The following MEGF9 variants were observed in gnomAD, a reference collection of about 807,000 sequenced individuals.
MEGF9 encodes multiple EGF like domains 9.
MEGF9 carries 6 observed loss-of-function variants against 46.8 expected under a neutral mutation model. That is an observed-to-expected ratio of 0.13 (90% CI 0.07 to 0.25). The LOEUF (loss-of-function observed/expected upper bound fraction) is 0.25, where lower values mean the gene tolerates loss of function less well. Ranked by LOEUF, MEGF9 falls within the 10% of genes least tolerant of loss-of-function variation. The pLI is 1.00. For missense variants in MEGF9, 683 were observed against 792.4 expected, an observed-to-expected ratio of 0.86 and a Z score of 1.66; for synonymous variants, 302 against 330.7, an observed-to-expected ratio of 0.91 and a Z score of 0.94.
At chr9:120,671,049 C>T (rs1304954628) in intron 1 of MEGF9, among the ~76,000 whole-genome samples, 3 of 152,224 alleles carry the variant, frequency 2.0e-5, no homozygotes, top group Admixed American at 2.0e-4. Flanking sequence ...AAGTTACTAA[C>T]CCAAAACAAA....
chr9:120,652,496 A>C (rs372287465), intron 2 of MEGF9, among the ~76,000 whole-genome samples: 1 of 150,304 alleles, frequency 6.7e-6, no homozygotes, highest in African/African-American at 2.4e-5. Flanking sequence ...AAAAAAAAAA[A>C]AAAAAAACAG....
At chr9:120,701,782 C>A (rs748081835) in intron 1 of MEGF9, among the ~76,000 whole-genome samples, 2 of 152,156 alleles carry the variant, frequency 1.3e-5, no homozygotes, top group African/African-American at 2.4e-5. Context: ...CAGTGGCTCA[C>A]GCCTGTAATC....
chr9:120,633,277 G>C (rs1178255301), intron 2 of MEGF9, among the ~76,000 whole-genome samples: 9 of 152,062 alleles, frequency 5.9e-5, no homozygotes, highest in Admixed American at 5.9e-4. Flanking sequence ...CCTGTTACTG[G>C]GCTGTCCAGG....
chr9:120,645,155 C>T (rs1206249284), intron 2 of MEGF9, among the ~76,000 whole-genome samples: 1 of 152,054 alleles, frequency 6.6e-6, no homozygotes, highest in African/African-American at 2.4e-5. Flanking sequence ...TAAAGAAAGG[C>T]GCTTAAGCCC....
chr9:120,689,995 G>A (rs1054558009), intron 1 of MEGF9: 1 of 528,842 alleles, frequency 1.9e-6, no homozygotes, highest in Non-Finnish European at 3.9e-6. Flanking sequence ...TTGCTTTTCA[G>A]CTGAATAAAC....
chr9:120,607,525 C>T (rs2043424723), intron 5 of MEGF9, among the ~76,000 whole-genome samples: 1 of 152,218 alleles, frequency 6.6e-6, no homozygotes, highest in Non-Finnish European at 1.5e-5. Context: ...TTTTGTCTCA[C>T]TGTCGCAATG....
intron 1 of MEGF9, among the ~76,000 whole-genome samples, chr9:120,660,052 T>C (rs528785622): frequency 1.3e-5 from 2 of 151,250 alleles, no homozygotes; most frequent in African/African-American, 2.4e-5. Context: ...TAATGAAGAA[T>C]AGAAACTTTA....
At chr9:120,688,172 C>T (rs1288095843) in intron 1 of MEGF9, among the ~76,000 whole-genome samples, 2 of 143,490 alleles carry the variant, frequency 1.4e-5, no homozygotes, top group Admixed American at 1.4e-4. Flanking sequence ...CACACACACG[C>T]ACGCACACAC....
chr9:120,652,478 T>TA (rs57268783), intron 2 of MEGF9, among the ~76,000 whole-genome samples: 13,914 of 85,406 alleles, frequency 0.16, 1,023 homozygotes, highest in Non-Finnish European at 0.2. Context: ...GATCTTGTCT[T>TA]AAAAAAAAAA....
intron 1 of MEGF9, among the ~76,000 whole-genome samples, chr9:120,680,428 A>G (rs1446253965): frequency 6.6e-6 from 1 of 152,124 alleles, no homozygotes; most frequent in East Asian, 1.9e-4. Flanking sequence ...AATTCTGTGG[A>G]TTACCAAGCA....
rs2043965955 is a variant in MEGF9 at position 120,713,984 on chromosome 9, G to A, written c.375C>T (p.Thr125=). Residue 125 remains threonine, a synonymous_variant, in exon 1 of 6, where the codon ACC becomes ACT. Coordinates refer to ENST00000373930, the MANE Select transcript of MEGF9 (RefSeq NM_001080497.3). ...AAGTGCGTTCCGCCGCCGGAGGGGT[G>A]GTCGGCGAGGGGCCGAGCGGCGCCT... ...TFQAPLGPSP[T]TPPAAERTST... The A allele has an allele frequency of 4.3e-6, 6 of 1,383,126 alleles. No individual in the cohort carries two copies. The South Asian group carries it at 8.8e-5, about 20-fold the overall frequency. 85.7% of individuals were successfully genotyped at this position (1,383,126 alleles called of 1,614,324 possible).
intron 2 of MEGF9, among the ~76,000 whole-genome samples, chr9:120,646,847 AAT>A (rs2132315881): frequency 6.6e-6 from 1 of 152,290 alleles, no homozygotes. Flanking sequence ...CAGAAACCAT[AAT>A]ACCAAATACT....
intron 1 of MEGF9, among the ~76,000 whole-genome samples, chr9:120,712,148 C>T (rs1332910357): frequency 1.3e-5 from 2 of 152,098 alleles, no homozygotes; most frequent in African/African-American, 4.8e-5. Flanking sequence ...GTCTCAGCTG[C>T]TCAGGAAGCT....
intron 2 of MEGF9, 48 bp downstream of exon 2, chr9:120,659,326 C>T (rs2132322513): frequency 1.3e-6 from 2 of 1,523,154 alleles, no homozygotes; most frequent in South Asian, 1.2e-5. Context: ...CCTTTTTTTT[C>T]CCCTTGCTAA....
rs370590114 is a variant in MEGF9 at position 120,622,639 on chromosome 9, G to A, written c.920C>T (p.Ser307Phe). ...GCLPCQCNNR[S>F]ASCDALTGAC... The stretch of plus-strand genomic sequence containing the variant: ...ACCTGTGAGGGCATCGCAACTGGCA[G>A]ACCGATTATTGCATTGGCAGGGCAA... The change falls in exon 3 of 6, where the codon TCT becomes TTT. Residue 307 changes from serine to phenylalanine, a missense_variant. Physicochemically the swap from Ser to Phe is radical, Grantham distance 155. Transcript: ENST00000373930. 1.4e-4 allele frequency: 233 copies of A among 1,613,576 alleles called. No individual in the cohort carries two copies. Among genetic ancestry groups the A allele is most frequent in the Non-Finnish European group, 1.8e-4 (215 of 1,179,834 alleles).
At chr9:120,697,636 T>C (rs2132341594) in intron 1 of MEGF9, among the ~76,000 whole-genome samples, 1 of 152,298 alleles carries the variant, frequency 6.6e-6, no homozygotes, top group East Asian at 1.9e-4. Flanking sequence ...ATAGTTACTA[T>C]TCAGTTCTGC....
At position 120,605,596 on chromosome 9, in the gene MEGF9, T is replaced by A. The variant is rs373252092; in HGVS notation, c.1403A>T (p.Asn468Ile). The change falls in exon 6 of 6, where the codon AAT (asparagine) becomes ATT (isoleucine). Residue 468 changes from asparagine to isoleucine, a missense_variant. By Grantham distance (149) the Asn-to-Ile change is moderately radical. Around this residue, in one of 2 missense-constraint regions of MEGF9, gnomAD observed 313 missense variants for 421.1 expected, o/e 0.74. Coordinates refer to ENST00000373930, the MANE Select transcript of MEGF9 (RefSeq NM_001080497.3). The surrounding 1 kb of genome is among the most constrained non-coding windows in gnomAD (Gnocchi z 4.0). Reference sequence around the variant, plus strand: ...GGGCACTGATGTGGTCAAAGAGGCATTGGAAACCAAAATGGTAGAACCTTC... The same window carrying A: ...GGGCACTGATGTGGTCAAAGAGGCAATGGAAACCAAAATGGTAGAACCTTC... ...TPEGSTILVS[N>I]ASLTTSVPTP... 1.3e-6 allele frequency: 2 copies of A among 1,598,556 alleles called. No homozygotes were observed. The highest frequency in any genetic ancestry group is 2.2e-5 in the South Asian group (2 of 89,270).
intron 2 of MEGF9, among the ~76,000 whole-genome samples, chr9:120,627,424 G>A (rs1390096607): frequency 6.6e-6 from 1 of 152,144 alleles, no homozygotes. Flanking sequence ...TTTAACTCAA[G>A]CAGTTACAGA....
chr9:120,653,875 TC>T (rs965240061), intron 2 of MEGF9, among the ~76,000 whole-genome samples: 1 of 152,184 alleles, frequency 6.6e-6, no homozygotes, highest in Non-Finnish European at 1.5e-5. Flanking sequence ...GTTAGGCTCA[TC>T]TATAGATACT....
Sources: gnomAD v4.1 joint callset for allele counts (sites outside exome capture counted in the v4.1 genomes callset) on GRCh38, gnomAD v4.1.1 for gene constraint, gnomAD v4.1.1 regional missense constraint, Gnocchi (gnomAD v3.1) non-coding constraint, MANE v1.5 for transcripts, NCBI Gene and HGNC (gene_info 2026-07-23, HGNC 2026-07-21) for gene names.